The following MUSK variants were observed in gnomAD, a reference collection of about 807,000 sequenced individuals.
MUSK encodes the protein muscle associated receptor tyrosine kinase.
MUSK carries 55 observed loss-of-function variants against 88.7 expected under a neutral mutation model. That is an observed-to-expected ratio of 0.62 (90% CI 0.50 to 0.78). The LOEUF (loss-of-function observed/expected upper bound fraction) is 0.78, where lower values mean the gene tolerates loss of function less well. Ranked by LOEUF, MUSK falls within the 30% of genes least tolerant of loss-of-function variation. The pLI is 0.00. For synonymous variants in MUSK, 387 were observed against 391.9 expected (o/e 0.99, Z 0.15); for missense variants, 1,015 against 1,074.3 (o/e 0.94, Z 0.77).
chr9:110,743,303 A>C (rs1337486664), intron 6 of MUSK, among the ~76,000 whole-genome samples: 1 of 152,214 alleles, frequency 6.6e-6, no homozygotes, highest in East Asian at 1.9e-4. Context: ...CCTCCTATGG[A>C]AATACCAAGC....
intron 1 of MUSK, 137 bp from the exon 2 acceptor site, chr9:110,682,537 C>T: frequency 1.3e-6 from 1 of 784,632 alleles, no homozygotes; most frequent in Non-Finnish European, 2.0e-6. Context: ...TACATAAGCT[C>T]TTCCTTTCTT....
At chr9:110,719,557 T>TGC (rs2076784794) in intron 5 of MUSK, among the ~76,000 whole-genome samples, 1 of 152,034 alleles carries the variant, frequency 6.6e-6, no homozygotes, top group East Asian at 1.9e-4. Context: ...TAAATATATA[T>TGC]ACACCTTAAC....
intron 1 of MUSK, among the ~76,000 whole-genome samples, chr9:110,672,266 C>T (rs1214050333): frequency 3.3e-5 from 5 of 152,016 alleles, no homozygotes; most frequent in African/African-American, 1.2e-4. Flanking sequence ...AACCTGATGT[C>T]GTTGAAGGAG....
At chr9:110,766,809 T>C (rs2077491804) in intron 8 of MUSK, among the ~76,000 whole-genome samples, 1 of 152,220 alleles carries the variant, frequency 6.6e-6, no homozygotes, top group South Asian at 2.1e-4. Context: ...AAGTCATTAC[T>C]AACACTATGG....
At chr9:110,702,559 T>C (rs899435835) in intron 5 of MUSK, among the ~76,000 whole-genome samples, 5 of 152,178 alleles carry the variant, frequency 3.3e-5, no homozygotes, top group Admixed American at 2.6e-4. Context: ...AGGCTTGATA[T>C]TGACTTAATA....
rs1007143799 is a variant in MUSK at position 110,804,592 on chromosome 9, C to T, written c.*3604C>T. Among the ~76,000 whole-genome samples the T allele has an allele frequency of 6.6e-6, 1 of 151,826 alleles. No homozygotes were observed. The highest frequency in any genetic ancestry group is 2.4e-5 in the African/African-American group (1 of 41,384). ...TTTTCTGCTGTGTTCATTTTCTAATCGAATTATGGGATTTATCTTGTAAAA... is the reference window on the plus strand; with the variant it reads ...TTTTCTGCTGTGTTCATTTTCTAATTGAATTATGGGATTTATCTTGTAAAA... On this transcript the variant is annotated 3_prime_UTR_variant, in exon 15 of 15. Coordinates refer to ENST00000374448, the MANE Select transcript of MUSK (RefSeq NM_005592.4).
At chr9:110,748,401 C>T (rs951133862) in intron 7 of MUSK, among the ~76,000 whole-genome samples, 5 of 152,130 alleles carry the variant, frequency 3.3e-5, no homozygotes, top group African/African-American at 7.2e-5. Flanking sequence ...TGGTCTTTCC[C>T]TTCCCTGCTT....
At chr9:110,690,000 A>G (rs2076298376) in intron 3 of MUSK, among the ~76,000 whole-genome samples, 1 of 88,784 alleles carries the variant, frequency 1.1e-5, no homozygotes, top group East Asian at 3.3e-4. Flanking sequence ...ATTATATATT[A>G]TATATTATAA....
intron 3 of MUSK, among the ~76,000 whole-genome samples, chr9:110,688,799 C>A (rs748146997): frequency 1.3e-5 from 2 of 151,728 alleles, no homozygotes; most frequent in Non-Finnish European, 2.9e-5. Context: ...TGATTTCATT[C>A]CATTTTATGG....
Position 110,803,187 on chromosome 9 carries a change from A to G in MUSK, c.*2199A>G, listed in dbSNP as rs2078119077. On this transcript the variant is annotated 3_prime_UTR_variant, in exon 15 of 15. Coordinates refer to ENST00000374448, the MANE Select transcript of MUSK (RefSeq NM_005592.4). ...AGTAACAGTAATCATAAAAATTATAATATCAGCTAGCATTTATTGAAATCT... is the reference window on the plus strand; with the variant it reads ...AGTAACAGTAATCATAAAAATTATAGTATCAGCTAGCATTTATTGAAATCT... 6.6e-6 allele frequency among the ~76,000 whole-genome samples: 1 copy of G among 152,244 alleles called. No individual in the cohort carries two copies. Among genetic ancestry groups the G allele is most frequent in the African/African-American group, 2.4e-5 (1 of 41,480 alleles).
chr9:110,699,919 C>A (rs1587923400), intron 5 of MUSK, among the ~76,000 whole-genome samples: 1 of 152,238 alleles, frequency 6.6e-6, no homozygotes, highest in Non-Finnish European at 1.5e-5. Flanking sequence ...ATAAACATGC[C>A]AGGCCATGGA....
intron 9 of MUSK, among the ~76,000 whole-genome samples, chr9:110,769,147 C>G (rs2077529329): frequency 6.6e-6 from 1 of 152,202 alleles, no homozygotes; most frequent in South Asian, 2.1e-4. Flanking sequence ...CATTGTTATT[C>G]CTAAATTTTC....
chr9:110,734,296 T>A lies in MUSK; in HGVS notation c.674T>A (p.Phe225Tyr), dbSNP rs759633707. ...LRAPESHNVT[F>Y]GSFVTLHCTA... ...GCTCCTGAATCCCACAATGTCACCT[T>A]TGGCTCCTTTGTGACCCTGCACTGT... is the stretch of plus-strand genomic sequence containing the variant. Residue 225 changes from phenylalanine (F) to tyrosine (Y), a missense_variant, in exon 6 of 15, where the codon TTT becomes TAT. By Grantham distance (22) the Phe-to-Tyr change is conservative. Transcript: ENST00000374448. 21 of 1,613,116 alleles carry A rather than the reference T, an allele frequency of 1.3e-5. No individual in the cohort carries two copies. The African/African-American group carries it at 2.5e-4, about 20-fold the overall frequency.
intron 6 of MUSK, among the ~76,000 whole-genome samples, chr9:110,738,356 T>C (rs1261047195): frequency 6.6e-6 from 1 of 152,190 alleles, no homozygotes; most frequent in Non-Finnish European, 1.5e-5. Flanking sequence ...ATGACTTGCA[T>C]AGAGCACTAT....
chr9:110,736,885 A>G (rs141087487), intron 6 of MUSK, among the ~76,000 whole-genome samples: 255 of 152,222 alleles, frequency 1.7e-3, no homozygotes, highest in Non-Finnish European at 2.9e-3. Context: ...CCAGATAATT[A>G]TAACATGACC....
chr9:110,745,211 C>G (rs921465481), intron 6 of MUSK, among the ~76,000 whole-genome samples: 2 of 152,148 alleles, frequency 1.3e-5, no homozygotes, highest in Non-Finnish European at 2.9e-5. Context: ...GGAGAAGAGA[C>G]GTCAGGCAGT....
At chr9:110,697,716 G>C (rs1168115177) in intron 5 of MUSK, among the ~76,000 whole-genome samples, 6 of 152,054 alleles carry the variant, frequency 3.9e-5, no homozygotes, top group Admixed American at 3.9e-4. Flanking sequence ...TACCAAAACA[G>C]ACTAAATTTA....
chr9:110,745,996 A>C (rs961021256), intron 6 of MUSK, among the ~76,000 whole-genome samples: 1 of 152,202 alleles, frequency 6.6e-6, no homozygotes, highest in Non-Finnish European at 1.5e-5. Context: ...GGCTAGTCAA[A>C]CTGTGAAAAT....
At chr9:110,751,152 C>T (rs73655619) in intron 7 of MUSK, among the ~76,000 whole-genome samples, 14,359 of 152,088 alleles carry the variant, frequency 0.094, 720 homozygotes, top group Middle Eastern at 0.15. Context: ...TTTAAGATGC[C>T]GAGAGGACTA....
Sources: allele counts gnomAD v4.1 joint callset (sites outside exome capture counted in the v4.1 genomes callset), GRCh38; gene constraint gnomAD v4.1.1; transcripts MANE v1.5; gene names NCBI Gene and HGNC (gene_info 2026-07-23, HGNC 2026-07-21).